The following RAB26 variants were observed in gnomAD, a reference collection of about 807,000 sequenced individuals.
RAB26 encodes the protein RAB26, member RAS oncogene family.
A neutral mutation model predicts 33.1 loss-of-function variants in RAB26; 39 were observed. That is an observed-to-expected ratio of 1.18 (90% CI 0.91 to 1.54). The LOEUF (loss-of-function observed/expected upper bound fraction) is 1.54, where lower values mean the gene tolerates loss of function less well. Ranked by LOEUF, RAB26 falls within the 40% of genes most tolerant of loss-of-function variation. The probability of loss-of-function intolerance (pLI) is 0.00; values close to 1 mark genes in which losing one functional copy is unlikely to be tolerated. For missense variants in RAB26, 468 were observed against 362.9 expected, an observed-to-expected ratio of 1.29 and a Z score of -2.35; for synonymous variants, 192 against 151.9, an observed-to-expected ratio of 1.26 and a Z score of -1.94.
chr16:2,153,213 C>T lies in RAB26; in HGVS notation c.659C>T (p.Ala220Val), dbSNP rs763894444. The change falls in exon 8 of 9, where the codon GCC becomes GTC. Residue 220 changes from alanine to valine, a missense_variant. Transcript: ENST00000210187. ...CTCAACGTGGACTTGGCCTTCACAG[C>T]CATAGCAAAGTAAGTCCTGCCAGTC... is the stretch of plus-strand genomic sequence containing the variant. ...TGLNVDLAFT[A>V]IAKELKQRSM... The T allele has an allele frequency of 1.9e-6, 3 of 1,613,826 alleles. No homozygotes were observed. Among genetic ancestry groups the T allele is most frequent in the East Asian group, 4.5e-5 (2 of 44,884 alleles).
Position 2,148,928 on chromosome 16 carries a change from G to T in RAB26, c.145G>T (p.Gly49Cys). 1 of 1,300,412 alleles carries T rather than the reference G, an allele frequency of 7.7e-7. No homozygotes were observed. Among genetic ancestry groups the T allele is most frequent in the Non-Finnish European group, 9.8e-7 (1 of 1,022,888 alleles). 80.6% of individuals were successfully genotyped at this position (1,300,412 alleles called of 1,614,324 possible). A position where few individuals can be genotyped will look rare whatever the true frequency, so the allele number is the denominator to read the frequency against. Reference sequence around the variant, plus strand: ...GCCGCCCAACGGGCCCTTGCAGCCCGGCCGGCCCTCGCTTGGCGGCGGTGT... The same window carrying T: ...GCCGCCCAACGGGCCCTTGCAGCCCTGCCGGCCCTCGCTTGGCGGCGGTGT... Reference protein sequence around the residue: ...DAPPNGPLQPGRPSLGGGVDF... With the variant: ...DAPPNGPLQPCRPSLGGGVDF... The change falls in exon 1 of 9, where the codon GGC becomes TGC. Residue 49 changes from glycine (G) to cysteine (C), a missense_variant. Coordinates refer to ENST00000210187, the MANE Select transcript of RAB26 (RefSeq NM_014353.5).
Position 2,148,869 on chromosome 16 carries a change from C to A in RAB26, c.86C>A (p.Ala29Glu). 1 of 1,402,894 alleles carries A rather than the reference C, an allele frequency of 7.1e-7. No individual in the cohort carries two copies. The allele number at this position is 1,402,894 out of a possible 1,614,324, so 86.9% of individuals were successfully genotyped here. A position where few individuals can be genotyped will look rare whatever the true frequency, so the allele number is the denominator to read the frequency against. ...TLPTANGARP[A>E]RSGTALSGPD... Reference sequence around the variant, plus strand: ...CCCACCGCCAACGGGGCCCGACCGGCGCGCTCCGGGACTGCGCTTTCCGGC... The same window carrying A: ...CCCACCGCCAACGGGGCCCGACCGGAGCGCTCCGGGACTGCGCTTTCCGGC... Residue 29 changes from alanine to glutamate, a missense_variant, in exon 1 of 9, where the codon GCG becomes GAG. By Grantham distance (107) the Ala-to-Glu change is moderately radical (BLOSUM62 -1). Transcript: ENST00000210187.
In RAB26 at chr16:2,148,647, G is replaced by A. The variant is rs1275400448; in HGVS notation, c.-137G>A. On this transcript the variant is annotated 5_prime_UTR_variant, in exon 1 of 9. It removes an upstream start codon present in the reference 5' UTR. Coordinates refer to ENST00000210187, the MANE Select transcript of RAB26 (RefSeq NM_014353.5). ...GGGGCGCGAGCCGGGCGCCCGGGAT[G>A]ATGCCGCCGCCGCCGCCGCCGCCGC... 6.9e-5 allele frequency: 46 copies of A among 664,726 alleles called. 1 individual carries two copies. The Admixed American group carries it at 9.9e-4, about 14-fold the overall frequency. The allele number at this position is 664,726 out of a possible 1,614,324, so 41.2% of individuals were successfully genotyped here.
intron 5 of RAB26, among the ~76,000 whole-genome samples, chr16:2,152,523 T>C (rs950654029): frequency 1.3e-5 from 2 of 151,534 alleles, no homozygotes; most frequent in Non-Finnish European, 2.9e-5. Context: ...TACAAAAAAT[T>C]AGCTGGGCGT....
chr16:2,152,885 G>A lies in RAB26; in HGVS notation c.534G>A (p.Lys178=). 6.2e-7 allele frequency: 1 copy of A among 1,604,692 alleles called. No individual in the cohort carries two copies. Residue 178 remains lysine, a splice_region_variant and synonymous_variant, in exon 6 of 9, where the codon AAG becomes AAA. Transcript: ENST00000210187. ...TGGCGCTCATGCTGCTGGGGAACAA[G>A]GTGGGAGGCCCGGCTGTCCTCACCT... ...HDVALMLLGN[K]VDSAHERVVK...
At position 2,148,665 on chromosome 16, in the gene RAB26, G is replaced by GCCA. The variant is rs2141249673; in HGVS notation, c.-117_-116insACC. On this transcript the variant is annotated 5_prime_UTR_variant, in exon 1 of 9. Transcript: ENST00000210187. ...CCGGGATGATGCCGCCGCCGCCGCC[G>GCCA]CCGCCGCCGCCGCCGCCAGGGGAAG... 3 of 945,930 alleles carry GCCA rather than the reference G, an allele frequency of 3.2e-6. No individual in the cohort carries two copies. The highest frequency in any genetic ancestry group is 5.1e-5 in the East Asian group (1 of 19,436). 58.6% of individuals were successfully genotyped at this position (945,930 alleles called of 1,614,324 possible).
In RAB26 at chr16:2,149,894, C is replaced by G. The variant is rs1199020950; in HGVS notation, c.196-47C>G. ...ACCTGCAGCCCCCTTCTGACCAGGCCAGCTCAGGGCAGACCAGACTCCCCC... is the reference window on the plus strand; with the variant it reads ...ACCTGCAGCCCCCTTCTGACCAGGCGAGCTCAGGGCAGACCAGACTCCCCC... On this transcript the variant is annotated intron_variant, in intron 1 of 8. Coordinates refer to ENST00000210187, the MANE Select transcript of RAB26 (RefSeq NM_014353.5). 4.2e-6 allele frequency: 6 copies of G among 1,420,530 alleles called. No individual in the cohort carries two copies. The East Asian group carries it at 1.7e-4, about 40-fold the overall frequency. The allele number at this position is 1,420,530 out of a possible 1,614,324, so 88.0% of individuals were successfully genotyped here.
Position 2,153,196 on chromosome 16 carries a change from G to A in RAB26, c.642G>A (p.Val214=). The A allele has an allele frequency of 6.2e-7, 1 of 1,613,814 alleles. No homozygotes were observed. Among genetic ancestry groups the A allele is most frequent in the Admixed American group, 1.7e-5 (1 of 60,024 alleles). The change falls in exon 8 of 9, where the codon GTG becomes GTA. Residue 214 remains valine, a synonymous_variant. Transcript: ENST00000210187. The part of the protein sequence containing the change: ...METSAKTGLN[V]DLAFTAIAKE... ...CCAGCGCCAAGACGGGCCTCAACGT[G>A]GACTTGGCCTTCACAGCCATAGCAA...
chr16:2,153,234 C>T lies in RAB26; in HGVS notation c.668+12C>T, dbSNP rs183498688. The T allele has an allele frequency of 2.8e-4, 448 of 1,613,712 alleles. No homozygotes were observed. Among genetic ancestry groups the T allele is most frequent in the Admixed American group, 1.3e-3 (77 of 60,024 alleles). On this transcript the variant is annotated intron_variant, in intron 8 of 8. Transcript: ENST00000210187. ...ACAGCCATAGCAAAGTAAGTCCTGC[C>T]AGTCACCAGGACTCCCCCAGCCCAG...
chr16:2,151,912 A>G lies in RAB26; in HGVS notation c.468+4A>G, dbSNP rs752054999. The G allele has an allele frequency of 1.9e-6, 3 of 1,614,108 alleles. No homozygotes were observed. The East Asian group carries it at 6.7e-5, about 36-fold the overall frequency. On this transcript the variant is annotated splice_donor_region_variant and intron_variant, in intron 5 of 8. Transcript: ENST00000210187. ...GGCCTCCTTTGACAACATCCAGGTC[A>G]GTGGCTTTCCTGGTGGGGTGAAAGG...
chr16:2,152,718 AT>A, intron 5 of RAB26, 101 bp from the exon 6 acceptor site: 1 of 633,288 alleles, frequency 1.6e-6, no homozygotes, highest in Non-Finnish European at 2.5e-6. Context: ...AAAAAAAAAG[AT>A]AAAGACAGGT....
At chr16:2,148,189 C>G (rs916369303), upstream of RAB26, 7 of 152,466 alleles carry the variant, frequency 4.6e-5, no homozygotes, top group Non-Finnish European at 8.8e-5. Context: ...CCCGCCTACC[C>G]TGGAGGGGAT....
rs1471675561 is a variant in RAB26, at chr16:2,153,729, G to A, written c.*308G>A. 7.1e-6 allele frequency: 4 copies of A among 566,854 alleles called. No homozygotes were observed. The highest frequency in any genetic ancestry group is 3.7e-5 in the African/African-American group (2 of 53,924). 35.1% of individuals were successfully genotyped at this position (566,854 alleles called of 1,614,324 possible). A position where few individuals can be genotyped will look rare whatever the true frequency, so the allele number is the denominator to read the frequency against. ...CTCCTGGGCACGTCCAGGTGAGGGA[G>A]GGCTGGGGCTGGCACCACGCACAGT... On this transcript the variant is annotated 3_prime_UTR_variant, in exon 9 of 9. Coordinates refer to ENST00000210187, the MANE Select transcript of RAB26 (RefSeq NM_014353.5).
Position 2,151,896 on chromosome 16 carries a change from T to A in RAB26, c.456T>A (p.Phe152Leu). ...ACGATGTCACCAACAAGGCCTCCTTTGACAACATCCAGGTCAGTGGCTTTC... is the reference window on the plus strand; with the variant it reads ...ACGATGTCACCAACAAGGCCTCCTTAGACAACATCCAGGTCAGTGGCTTTC... The part of the protein sequence containing the change: ...LLYDVTNKAS[F>L]DNIQAWLTEI... Residue 152 changes from phenylalanine to leucine, a missense_variant, in exon 5 of 9, where the codon TTT (phenylalanine) becomes TTA (leucine). Phe to Leu is a conservative substitution (Grantham distance 22). Coordinates refer to ENST00000210187, the MANE Select transcript of RAB26 (RefSeq NM_014353.5). 1 of 1,614,158 alleles carries A rather than the reference T, an allele frequency of 6.2e-7. No homozygotes were observed. The highest frequency in any genetic ancestry group is 8.5e-7 in the Non-Finnish European group (1 of 1,180,032).
At chr16:2,150,417 T>A (rs1211692451) in intron 2 of RAB26, among the ~76,000 whole-genome samples, 1 of 152,178 alleles carries the variant, frequency 6.6e-6, no homozygotes, top group Admixed American at 6.5e-5. Flanking sequence ...AGCGAGGGTT[T>A]CCAGGGCTTG....
Position 2,153,741 on chromosome 16 carries a change from G to C in RAB26, c.*320G>C. The C allele has an allele frequency of 1.8e-6, 1 of 553,596 alleles. No homozygotes were observed. 34.3% of individuals were successfully genotyped at this position (553,596 alleles called of 1,614,324 possible). A position where few individuals can be genotyped will look rare whatever the true frequency, so the allele number is the denominator to read the frequency against. On this transcript the variant is annotated 3_prime_UTR_variant, in exon 9 of 9. Coordinates refer to ENST00000210187, the MANE Select transcript of RAB26 (RefSeq NM_014353.5). ...TCCAGGTGAGGGAGGGCTGGGGCTG[G>C]CACCACGCACAGTGCCTAACCCTAG... is the stretch of plus-strand genomic sequence containing the variant.
intron 2 of RAB26, chr16:2,151,177 T>G: frequency 2.1e-6 from 1 of 470,990 alleles, no homozygotes; most frequent in Non-Finnish European, 4.2e-6. Context: ...GTGATCATGG[T>G]GGACTGCAAC....
At chr16:2,152,936 G>A (rs369628294) in intron 6 of RAB26, 51 bp downstream of exon 6, 4 of 1,586,812 alleles carry the variant, frequency 2.5e-6, no homozygotes, top group Admixed American at 1.8e-5. Context: ...GCAGGTGAGG[G>A]GGCAGGGGCC....
chr16:2,153,469 G>A lies in RAB26; in HGVS notation c.*48G>A. ...GGAGGAAGCCGTCCAGTCCCTAGAAGGCTGGACAGAGGGTCTCCAGGCCCT... is the reference window on the plus strand; with the variant it reads ...GGAGGAAGCCGTCCAGTCCCTAGAAAGCTGGACAGAGGGTCTCCAGGCCCT... On this transcript the variant is annotated 3_prime_UTR_variant, in exon 9 of 9. Coordinates refer to ENST00000210187, the MANE Select transcript of RAB26 (RefSeq NM_014353.5). The A allele has an allele frequency of 6.4e-7, 1 of 1,571,632 alleles. No individual in the cohort carries two copies. The highest frequency in any genetic ancestry group is 8.7e-7 in the Non-Finnish European group (1 of 1,144,882).
Sources: gnomAD v4.1 joint callset for allele counts (sites outside exome capture counted in the v4.1 genomes callset) on GRCh38, gnomAD v4.1.1 for gene constraint, MANE v1.5 for transcripts, NCBI Gene and HGNC (gene_info 2026-07-23, HGNC 2026-07-21) for gene names.